CFAP70: variants seen among roughly 807,000 people sequenced by gnomAD.
CFAP70 encodes cilia and flagella associated protein 70.
A neutral mutation model predicts 137.6 loss-of-function variants in CFAP70; 81 were observed. The observed-to-expected ratio is 0.59, with a 90% confidence interval of 0.49 to 0.71. CFAP70 has a LOEUF of 0.71. CFAP70 is among the 30% of genes least tolerant of loss of function. The pLI is 0.00. For missense variants in CFAP70, 976 were observed against 1,226.7 expected (o/e 0.80, Z 3.05); for synonymous variants, 382 against 423.6 (o/e 0.90, Z 1.20).
chr10:73,268,001 G>T (rs1379313335), intron 25 of CFAP70, among the ~76,000 whole-genome samples: 1 of 152,012 alleles, frequency 6.6e-6, no homozygotes, highest in Non-Finnish European at 1.5e-5. Flanking sequence ...CATCCTTTCT[G>T]CCCCCACCAC....
At chr10:73,340,127 A>G (rs143719136) in intron 6 of CFAP70, among the ~76,000 whole-genome samples, 369 of 152,238 alleles carry the variant, frequency 2.4e-3, no homozygotes, top group Non-Finnish European at 3.9e-3. Context: ...TTGTCCTGAC[A>G]AGTGCCCAGC....
chr10:73,351,131 T>G (rs1462901189), intron 3 of CFAP70, among the ~76,000 whole-genome samples: 1 of 138,110 alleles, frequency 7.2e-6, no homozygotes, highest in African/African-American at 2.7e-5. Flanking sequence ...TGTTTTTTTT[T>G]TTTGTGAGAC....
At chr10:73,278,746 C>T (rs1033079829) in intron 19 of CFAP70, among the ~76,000 whole-genome samples, 9 of 151,260 alleles carry the variant, frequency 6.0e-5, no homozygotes, top group South Asian at 2.1e-4. Flanking sequence ...TTTGGGAGGC[C>T]GAGGCAGGTG....
intron 5 of CFAP70, 151 bp from the exon 7 acceptor site, chr10:73,341,732 T>C: frequency 1.5e-6 from 1 of 649,150 alleles, no homozygotes; most frequent in Non-Finnish European, 2.6e-6. Flanking sequence ...GCCTGTGCCC[T>C]TCATTCCCTT....
At chr10:73,352,151 T>G (rs1221888388) in intron 3 of CFAP70, among the ~76,000 whole-genome samples, 1 of 152,168 alleles carries the variant, frequency 6.6e-6, no homozygotes, top group East Asian at 1.9e-4. Context: ...CTGCTGACAG[T>G]TTGGGATAGA....
chr10:73,323,115 G>T lies in CFAP70; in HGVS notation c.778-18C>A, dbSNP rs1564840995. On this transcript the variant is annotated intron_variant, in intron 8 of 26. Transcript: ENST00000310715. ...TCATCAGTCTAAAGGAATAAAACCA[G>T]AGAGTTGTTAGTGCTATAAGCAATG... 6.2e-7 allele frequency: 1 copy of T among 1,601,794 alleles called. No homozygotes were observed. Among genetic ancestry groups the T allele is most frequent in the Non-Finnish European group, 8.5e-7 (1 of 1,175,614 alleles).
intron 12 of CFAP70, among the ~76,000 whole-genome samples, chr10:73,301,335 TTGC>T (rs2048941186): frequency 1.3e-5 from 2 of 152,176 alleles, no homozygotes; most frequent in African/African-American, 2.4e-5. Flanking sequence ...GAGTAAGTGC[TTGC>T]AAGATCTGGT....
At chr10:73,358,277 C>T (rs2054820155) in intron 1 of CFAP70, among the ~76,000 whole-genome samples, 1 of 152,162 alleles carries the variant, frequency 6.6e-6, no homozygotes, top group African/African-American at 2.4e-5. Flanking sequence ...ATTATGAATG[C>T]AAGATATAGG....
intron 5 of CFAP70, among the ~76,000 whole-genome samples, chr10:73,343,156 G>A (rs1252516105): frequency 6.7e-6 from 1 of 150,058 alleles, no homozygotes; most frequent in East Asian, 2.0e-4. Flanking sequence ...GGTGCAGTGT[G>A]CCGAGATCGC....
chr10:73,318,776 A>G lies in CFAP70; in HGVS notation c.912+4187T>C, dbSNP rs531282804. On this transcript the variant is annotated intron_variant, in intron 9 of 26. Coordinates refer to ENST00000310715, the Ensembl canonical transcript of CFAP70. ...TGTTTCCCTCAGATTCAACAAGAGT[A>G]TCTTCATATAGAAAGGTTTGGATAC... is the stretch of plus-strand genomic sequence containing the variant. 2.6e-5 allele frequency among the ~76,000 whole-genome samples: 4 copies of G among 152,380 alleles called. No individual in the cohort carries two copies. In the East Asian group the frequency reaches 7.7e-4, roughly 29 times the overall value.
chr10:73,259,058 A>C (rs1400249417), intron 25 of CFAP70, among the ~76,000 whole-genome samples: 1 of 152,008 alleles, frequency 6.6e-6, no homozygotes, highest in Non-Finnish European at 1.5e-5. Context: ...CCCACACCCT[A>C]TTCGTACACC....
exon 27 of CFAP70, chr10:73,253,938 A>G (rs772135696): frequency 2.0e-6 from 3 of 1,524,934 alleles, no homozygotes; most frequent in African/African-American, 1.4e-5. Context: ...AAAGGAACTC[A>G]GAGTCCCATG....
chr10:73,278,407 T>G lies in CFAP70; in HGVS notation c.2240-70A>C, dbSNP rs764414323. The G allele has an allele frequency of 2.2e-4, 299 of 1,332,624 alleles. 1 individual carries two copies. Among genetic ancestry groups the G allele is most frequent in the Non-Finnish European group, 2.4e-4 (232 of 965,930 alleles). The allele number at this position is 1,332,624 out of a possible 1,614,324, so 82.5% of individuals were successfully genotyped here. On this transcript the variant is annotated intron_variant, in intron 19 of 26. Transcript: ENST00000310715. ...GGTGTTTAAAGGTTATTGTAAGAGA[T>G]ACATTTTGCAAAGCATAAGAAACAT...
At chr10:73,342,434 G>T (rs928504984) in intron 5 of CFAP70, among the ~76,000 whole-genome samples, 1 of 151,966 alleles carries the variant, frequency 6.6e-6, no homozygotes, top group Non-Finnish European at 1.5e-5. Context: ...TCCCAGCTAC[G>T]TGGGAGGCTG....
chr10:73,273,172 C>T (rs11000581), intron 23 of CFAP70, among the ~76,000 whole-genome samples, 155 bp from the exon 25 acceptor site: 16,062 of 152,128 alleles, frequency 0.11, 1,224 homozygotes, highest in East Asian at 0.3. Flanking sequence ...AGGGAGTTAT[C>T]GCAAGAAGAT....
At chr10:73,317,840 G>A (rs1322792895) in intron 9 of CFAP70, among the ~76,000 whole-genome samples, 1 of 152,204 alleles carries the variant, frequency 6.6e-6, no homozygotes, top group African/African-American at 2.4e-5. Context: ...CCGTGTTGTA[G>A]GTAGGGCCTG....
At chr10:73,356,319 C>T (rs1003700460) in intron 1 of CFAP70, among the ~76,000 whole-genome samples, 4 of 151,944 alleles carry the variant, frequency 2.6e-5, no homozygotes, top group Admixed American at 1.3e-4. Flanking sequence ...CCACCTCAGC[C>T]TCCTGAGTAG....
At chr10:73,326,121 A>G (rs1385946269) in intron 8 of CFAP70, among the ~76,000 whole-genome samples, 1 of 152,166 alleles carries the variant, frequency 6.6e-6, no homozygotes, top group African/African-American at 2.4e-5. Context: ...AAAGAACAGA[A>G]ATTATAACAA....
At chr10:73,271,278 G>A (rs1241795029) in intron 24 of CFAP70, among the ~76,000 whole-genome samples, 1 of 152,182 alleles carries the variant, frequency 6.6e-6, no homozygotes, top group East Asian at 1.9e-4. Context: ...TTGGGAGGCC[G>A]AGGTGGGAGG....
Sources: allele counts gnomAD v4.1 joint callset (sites outside exome capture counted in the v4.1 genomes callset), GRCh38; gene constraint gnomAD v4.1.1; transcripts MANE v1.5; gene names NCBI Gene and HGNC (gene_info 2026-07-23, HGNC 2026-07-21).